Variants in RAB28 observed in about 807,000 individuals in gnomAD.
RAB28 encodes ras-related protein Rab-28.
In RAB28, 24 loss-of-function variants were observed where a neutral mutation model predicts 31.7. That is an observed-to-expected ratio of 0.76 (90% CI 0.55 to 1.06). The LOEUF (loss-of-function observed/expected upper bound fraction) is 1.06, where lower values mean the gene tolerates loss of function less well. Among genes scored for constraint, RAB28 ranks in the 50% least tolerant of loss-of-function variants. RAB28 has a pLI of 0.00. For synonymous variants in RAB28, 100 were observed against 90.4 expected, an observed-to-expected ratio of 1.11 and a Z score of -0.60; for missense variants, 254 against 258.5, an observed-to-expected ratio of 0.98 and a Z score of 0.12.
At chr4:13,464,927 A>G (rs1478157408) in intron 3 of RAB28, among the ~76,000 whole-genome samples, 1 of 152,046 alleles carries the variant, frequency 6.6e-6, no homozygotes, top group Non-Finnish European at 1.5e-5. Flanking sequence ...GAAAAAGAAA[A>G]CAACATGCAA....
rs1307597521 is a variant in RAB28 at position 13,395,591 on chromosome 4, GAT to G, written c.392-13999_392-13998del. On this transcript the variant is annotated intron_variant, in intron 4 of 6. Coordinates refer to ENST00000330852, the MANE Select transcript of RAB28 (RefSeq NM_001017979.3). ...CTGGCATTCAAGATTCCTTACTCAG[GAT>G]CTCCACTGCATCCACCTATATGACT... Among the ~76,000 whole-genome samples the G allele has an allele frequency of 7.2e-5, 11 of 151,880 alleles. 1 individual carries two copies. Among genetic ancestry groups the G allele is most frequent in the Admixed American group, 3.9e-4 (6 of 15,258 alleles).
intron 4 of RAB28, among the ~76,000 whole-genome samples, chr4:13,390,371 C>T (rs987567572): frequency 6.6e-6 from 1 of 151,976 alleles, no homozygotes; most frequent in Non-Finnish European, 1.5e-5. Context: ...GACCTCTTTA[C>T]CTCTTCAAGG....
intron 4 of RAB28, among the ~76,000 whole-genome samples, chr4:13,388,002 G>C (rs1729451926): frequency 6.6e-6 from 1 of 151,888 alleles, no homozygotes; most frequent in Non-Finnish European, 1.5e-5. Context: ...TCAGTATTTT[G>C]TAACCCAGTG....
chr4:13,479,469 T>C lies in RAB28; in HGVS notation c.133A>G (p.Ile45Val), dbSNP rs777998179. ...CTTCTCAAAAAGAAATCCAGTCCTATAGTTTGTTTGTACTGTTTCCCAAAA... is the reference window on the plus strand; with the variant it reads ...CTTCTCAAAAAGAAATCCAGTCCTACAGTTTGTTTGTACTGTTTCCCAAAA... ...ETFGKQYKQT[I>V]GLDFFLRRIT... is the part of the protein sequence containing the mutation. The change falls in exon 2 of 7, where the codon ATA (isoleucine) becomes GTA (valine). Residue 45 changes from isoleucine to valine, a missense_variant. Coordinates refer to ENST00000330852, the MANE Select transcript of RAB28 (RefSeq NM_001017979.3). The C allele has an allele frequency of 5.6e-6, 9 of 1,609,428 alleles. No individual in the cohort carries two copies. Among genetic ancestry groups the C allele is most frequent in the South Asian group, 1.1e-5 (1 of 90,816 alleles).
At chr4:13,456,953 C>T (rs1351215929) in intron 4 of RAB28, among the ~76,000 whole-genome samples, 1 of 152,136 alleles carries the variant, frequency 6.6e-6, no homozygotes, top group African/African-American at 2.4e-5. Flanking sequence ...TAATAAAAAG[C>T]AAATAATCCT....
Position 13,408,230 on chromosome 4 carries a change from G to T in RAB28, c.392-26636C>A, listed in dbSNP as rs536719168. On this transcript the variant is annotated intron_variant, in intron 4 of 6. Transcript: ENST00000330852. ...AAAGTTTTTAGCACTAAGGGTTGTT[G>T]AATTTTGTCAAAGGCCTTTTCTGCA... Among the ~76,000 whole-genome samples, 75 of 152,158 alleles carry T rather than the reference G, an allele frequency of 4.9e-4. 1 individual carries two copies. The highest frequency in any genetic ancestry group is 9.1e-4 in the Non-Finnish European group (62 of 68,020).
At chr4:13,399,829 A>C (rs369608613) in intron 4 of RAB28, among the ~76,000 whole-genome samples, 1 of 152,018 alleles carries the variant, frequency 6.6e-6, no homozygotes, top group South Asian at 2.1e-4. Context: ...ACCTTCTCCC[A>C]GTTTGTGGCT....
At chr4:13,462,860 G>C (rs773098921) in intron 3 of RAB28, among the ~76,000 whole-genome samples, 21 of 152,132 alleles carry the variant, frequency 1.4e-4, no homozygotes, top group Non-Finnish European at 2.8e-4. Context: ...CCCCAGAACT[G>C]ATATCTGAAG....
At chr4:13,375,967 C>G (rs777328092) in intron 6 of RAB28, among the ~76,000 whole-genome samples, 1 of 152,086 alleles carries the variant, frequency 6.6e-6, no homozygotes, top group Non-Finnish European at 1.5e-5. Flanking sequence ...CAAACCACTT[C>G]TGAAGCATAA....
chr4:13,417,171 G>A (rs921862517), intron 4 of RAB28, among the ~76,000 whole-genome samples: 5 of 152,206 alleles, frequency 3.3e-5, no homozygotes, highest in South Asian at 2.1e-4. Context: ...TGAGGCAGCC[G>A]CCTGGCAGAG....
chr4:13,408,298 A>G (rs1712219969), intron 4 of RAB28, among the ~76,000 whole-genome samples: 1 of 152,172 alleles, frequency 6.6e-6, no homozygotes, highest in African/African-American at 2.4e-5. Context: ...GGTTCTGTTT[A>G]TGTGATGGAA....
chr4:13,417,319 C>A (rs2108916219), intron 4 of RAB28, among the ~76,000 whole-genome samples: 1 of 152,336 alleles, frequency 6.6e-6, no homozygotes, highest in East Asian at 1.9e-4. Context: ...CAGGGCATAG[C>A]TGAACAGAAG....
At chr4:13,431,593 G>A (rs1011650754) in intron 4 of RAB28, among the ~76,000 whole-genome samples, 1 of 151,976 alleles carries the variant, frequency 6.6e-6, no homozygotes, top group Non-Finnish European at 1.5e-5. Flanking sequence ...AGGCCCACAG[G>A]AGACAGTGTG....
rs2108977159 is a variant in RAB28 at position 13,479,445 on chromosome 4, T to C, written c.157A>G (p.Arg53Gly). 1.9e-6 allele frequency: 3 copies of C among 1,602,402 alleles called. No individual in the cohort carries two copies. The South Asian group carries it at 3.3e-5, about 18-fold the overall frequency. The change falls in exon 2 of 7, where the codon AGG becomes GGG. Residue 53 changes from arginine to glycine, a missense_variant. Physicochemically the swap from Arg to Gly is moderately radical, Grantham distance 125 (BLOSUM62 -2). Coordinates refer to ENST00000330852, the MANE Select transcript of RAB28 (RefSeq NM_001017979.3). ...QTIGLDFFLR[R>G]ITLPGNLNVT... ...AGTCTCTTACCTGGCAATGTTATCC[T>C]TCTCAAAAAGAAATCCAGTCCTATA...
intron 4 of RAB28, among the ~76,000 whole-genome samples, chr4:13,438,354 T>C (rs1714242895): frequency 6.6e-6 from 1 of 152,184 alleles, no homozygotes; most frequent in African/African-American, 2.4e-5. Flanking sequence ...TGTGCAACCA[T>C]CACCACTATC....
chr4:13,404,809 A>G (rs1711978406), intron 4 of RAB28, among the ~76,000 whole-genome samples: 1 of 152,180 alleles, frequency 6.6e-6, no homozygotes, highest in Admixed American at 6.5e-5. Flanking sequence ...CTTTTTTTAC[A>G]GAAACTAAAA....
In RAB28 at chr4:13,389,709, G is replaced by A. The variant is rs139876015; in HGVS notation, c.392-8115C>T. On this transcript the variant is annotated intron_variant, in intron 4 of 6. Transcript: ENST00000330852. ...ACATGCATAGATATTTTAGTACCAT[G>A]TTTTGTTTTTATTTCATTGAGGTTT... 1.1e-3 allele frequency among the ~76,000 whole-genome samples: 169 copies of A among 151,530 alleles called. 2 individuals are homozygous for A. The highest frequency in any genetic ancestry group is 3.4e-3 in the Middle Eastern group (1 of 294).
At chr4:13,449,868 C>T (rs1714874719) in intron 4 of RAB28, among the ~76,000 whole-genome samples, 1 of 151,704 alleles carries the variant, frequency 6.6e-6, no homozygotes, top group South Asian at 2.1e-4. Flanking sequence ...TCTATGTAAC[C>T]CCTGTTAATT....
intron 3 of RAB28, among the ~76,000 whole-genome samples, chr4:13,469,499 T>G (rs1440688334): frequency 6.6e-6 from 1 of 152,000 alleles, no homozygotes; most frequent in Admixed American, 6.6e-5. Flanking sequence ...TTTTATGCCT[T>G]AACTGCCTTC....
Sources: allele counts gnomAD v4.1 joint callset (sites outside exome capture counted in the v4.1 genomes callset), GRCh38; gene constraint gnomAD v4.1.1; transcripts MANE v1.5; gene names NCBI Gene and HGNC (gene_info 2026-07-23, HGNC 2026-07-21).